TRPM3: variants seen among roughly 807,000 people sequenced by gnomAD.
The protein encoded by TRPM3 is transient receptor potential cation channel subfamily M member 3.
A neutral mutation model predicts 181.2 loss-of-function variants in TRPM3; 77 were observed. The observed-to-expected ratio is 0.42, with a 90% CI of 0.35 to 0.51. TRPM3 has a LOEUF of 0.51. Among genes scored for constraint, TRPM3 ranks in the 20% least tolerant of loss-of-function variants. TRPM3 has a pLI of 0.01. For synonymous variants in TRPM3, 745 were observed against 796.4 expected, an observed-to-expected ratio of 0.94 and a Z score of 1.09; for missense variants, 1,759 against 2,196.7, an observed-to-expected ratio of 0.80 and a Z score of 3.98.
At chr9:71,064,118 T>C (rs890546091) in intron 1 of TRPM3, among the ~76,000 whole-genome samples, 10 of 152,174 alleles carry the variant, frequency 6.6e-5, no homozygotes, top group Admixed American at 1.3e-4. Context: ...ATGCTGAACT[T>C]CTAGCTCATA....
At chr9:70,915,726 C>G (rs2096587731) in intron 1 of TRPM3, among the ~76,000 whole-genome samples, 1 of 151,428 alleles carries the variant, frequency 6.6e-6, no homozygotes, top group Non-Finnish European at 1.5e-5. Flanking sequence ...ATAAAGCAAG[C>G]CTACAAGATC....
chr9:71,399,140 G>T (rs1203470262), intron 1 of TRPM3, among the ~76,000 whole-genome samples: 2 of 151,912 alleles, frequency 1.3e-5, no homozygotes, highest in African/African-American at 4.8e-5. Flanking sequence ...TATAAAAAAT[G>T]ACAACCTAAT....
At chr9:70,938,555 A>C (rs1415154573) in intron 1 of TRPM3, among the ~76,000 whole-genome samples, 1 of 152,036 alleles carries the variant, frequency 6.6e-6, no homozygotes, top group Non-Finnish European at 1.5e-5. Context: ...AAATGGTGAT[A>C]TCCATTGTCA....
intron 7 of TRPM3, among the ~76,000 whole-genome samples, chr9:70,769,278 C>T (rs1044075985): frequency 5.3e-5 from 8 of 152,150 alleles, no homozygotes; most frequent in African/African-American, 1.9e-4. Context: ...CCCAAGCCCA[C>T]CAGACTCTTG....
chr9:71,342,692 T>C (rs1174475189), intron 1 of TRPM3, among the ~76,000 whole-genome samples: 1 of 152,088 alleles, frequency 6.6e-6, no homozygotes, highest in Non-Finnish European at 1.5e-5. Flanking sequence ...TACTATAAGA[T>C]CCAGCAACTA....
At chr9:71,059,010 C>CCTTT (rs1491270019) in intron 1 of TRPM3, among the ~76,000 whole-genome samples, 2 of 15,932 alleles carry the variant, frequency 1.3e-4, no homozygotes, top group African/African-American at 4.8e-4. Flanking sequence ...TTTGTTTGTT[C>CCTTT]ATTTTTTTTT....
chr9:70,897,294 T>G (rs1364578874), intron 1 of TRPM3, among the ~76,000 whole-genome samples: 1 of 126,950 alleles, frequency 7.9e-6, no homozygotes, highest in Admixed American at 8.1e-5. Flanking sequence ...ACTGTCTCCA[T>G]GAGATCAATT....
intron 8 of TRPM3, chr9:70,761,364 G>C: frequency 1.5e-6 from 1 of 654,134 alleles, no homozygotes. Flanking sequence ...GCGTTTGGAT[G>C]AGCTCCAAAA....
At chr9:71,087,657 G>T (rs1355613221) in intron 1 of TRPM3, among the ~76,000 whole-genome samples, 1 of 151,918 alleles carries the variant, frequency 6.6e-6, no homozygotes, top group Non-Finnish European at 1.5e-5. Context: ...AGTGTACTTG[G>T]CTTAATAAGC....
chr9:70,747,841 T>C (rs1176619606), intron 8 of TRPM3, among the ~76,000 whole-genome samples: 1 of 151,932 alleles, frequency 6.6e-6, no homozygotes. Flanking sequence ...GGAATAGCAA[T>C]AGTCTAGGCA....
At chr9:71,014,879 T>A (rs1278029901) in intron 1 of TRPM3, among the ~76,000 whole-genome samples, 2 of 152,156 alleles carry the variant, frequency 1.3e-5, no homozygotes, top group Non-Finnish European at 2.9e-5. Flanking sequence ...GATATTATTT[T>A]ATGCTATACT....
chr9:70,886,864 C>T (rs2096093471), intron 1 of TRPM3, among the ~76,000 whole-genome samples: 1 of 152,052 alleles, frequency 6.6e-6, no homozygotes, highest in African/African-American at 2.4e-5. Context: ...GGGGTTTCAC[C>T]ATGTTGGCCA....
chr9:70,853,585 A>G (rs553744874), intron 3 of TRPM3, among the ~76,000 whole-genome samples: 105 of 152,346 alleles, frequency 6.9e-4, no homozygotes, highest in African/African-American at 2.4e-3. Context: ...GCCACAATAA[A>G]TATGAAAATG....
chr9:71,328,705 C>T (rs1308793164), intron 1 of TRPM3, among the ~76,000 whole-genome samples: 1 of 152,158 alleles, frequency 6.6e-6, no homozygotes, highest in Non-Finnish European at 1.5e-5. Context: ...ATACCTGTAA[C>T]AAAACAATCG....
In TRPM3 at chr9:70,846,396, T is replaced by C. The variant is rs1353161955; in HGVS notation, c.658A>G (p.Thr220Ala). 1.9e-6 allele frequency: 3 copies of C among 1,614,106 alleles called. No individual in the cohort carries two copies. The highest frequency in any genetic ancestry group is 1.7e-6 in the Non-Finnish European group (2 of 1,179,968). Residue 220 changes from threonine to alanine, a missense_variant, in exon 4 of 26, where the codon ACT becomes GCT. By Grantham distance (58) the Thr-to-Ala change is moderately conservative (BLOSUM62 0). Transcript: ENST00000677713. ...AAMTTGAWIF[T>A]GGVNTGVIRH... The stretch of plus-strand genomic sequence containing the variant: ...CAATTACCTGTGTTAACCCCTCCAG[T>C]GAATATCCACGCTCCAGTTGTCATT...
At chr9:71,216,246 T>G (rs1260754564) in intron 1 of TRPM3, among the ~76,000 whole-genome samples, 1 of 122,010 alleles carries the variant, frequency 8.2e-6, no homozygotes, top group East Asian at 2.7e-4. Context: ...ATGGGAATAC[T>G]AATTATTCTT....
At chr9:71,187,175 T>C (rs2077727993) in intron 1 of TRPM3, among the ~76,000 whole-genome samples, 1 of 152,066 alleles carries the variant, frequency 6.6e-6, no homozygotes, top group African/African-American at 2.4e-5. Context: ...ATAGATTAGA[T>C]CAAGTTAAAC....
chr9:70,779,088 C>A (rs1276574781), intron 7 of TRPM3, among the ~76,000 whole-genome samples: 1 of 151,976 alleles, frequency 6.6e-6, no homozygotes, highest in South Asian at 2.1e-4. Flanking sequence ...AATGTAGGGA[C>A]CCTTATTAAA....
chr9:71,098,195 C>T (rs375609809), intron 1 of TRPM3, among the ~76,000 whole-genome samples: 1 of 151,920 alleles, frequency 6.6e-6, no homozygotes, highest in African/African-American at 2.4e-5. Flanking sequence ...CTGACACAAC[C>T]CCAAACAGAA....
Sources: allele counts gnomAD v4.1 joint callset (sites outside exome capture counted in the v4.1 genomes callset), GRCh38; gene constraint gnomAD v4.1.1; transcripts MANE v1.5; gene names NCBI Gene and HGNC (gene_info 2026-07-23, HGNC 2026-07-21).